Variants in CFAP46 observed in about 807,000 individuals in gnomAD.
CFAP46 encodes the protein cilia- and flagella-associated protein 46.
In CFAP46, 245 loss-of-function variants were observed where a neutral mutation model predicts 325.7. The ratio of observed to expected loss-of-function variants is 0.75; its 90% CI spans 0.68 to 0.84. CFAP46 has a LOEUF of 0.84. CFAP46 is among the 40% of genes least tolerant of loss of function. The pLI, the probability that CFAP46 is intolerant of heterozygous loss-of-function variation, is 0.00. For missense variants in CFAP46, 3,346 were observed against 3,543.0 expected, an observed-to-expected ratio of 0.94 and a Z score of 1.41; for synonymous variants, 1,523 against 1,495.9, an observed-to-expected ratio of 1.02 and a Z score of -0.42.
chr10:132,835,586 C>A, intron 46 of CFAP46, 152 bp from the exon 47 acceptor site: 1 of 1,007,130 alleles, frequency 9.9e-7, no homozygotes, highest in Non-Finnish European at 1.4e-6. Context: ...CCCCTGGTCC[C>A]ATGCTGTGGA....
At chr10:132,866,655 G>A (rs1324759332) in intron 34 of CFAP46, among the ~76,000 whole-genome samples, 1 of 152,058 alleles carries the variant, frequency 6.6e-6, no homozygotes, top group East Asian at 1.9e-4. Flanking sequence ...TCCTCGCTAA[G>A]CAGAGCCCCC....
intron 21 of CFAP46, 135 bp from the exon 22 acceptor site, chr10:132,908,769 A>C: frequency 8.7e-7 from 1 of 1,149,350 alleles, no homozygotes; most frequent in Non-Finnish European, 1.2e-6. Flanking sequence ...CGTGCCACAA[A>C]AGCTGAGCTG....
At chr10:132,860,278 C>G (rs774355273) in intron 37 of CFAP46, 139 bp downstream of exon 37, 3 of 628,688 alleles carry the variant, frequency 4.8e-6, no homozygotes, top group Non-Finnish European at 8.5e-6. Context: ...TGGAGCTGCA[C>G]GGAAAGCTGT....
chr10:132,899,655 C>A lies in CFAP46; in HGVS notation c.2936G>T (p.Arg979Leu). The change falls in exon 23 of 58, where the codon CGG becomes CTG. Residue 979 changes from arginine to leucine, a missense_variant. Coordinates refer to ENST00000368586, the MANE Select transcript of CFAP46 (RefSeq NM_001200049.3). ...YLKKFGPEESRLVAEMLCTAT... is the reference protein window; with the variant it reads ...YLKKFGPEESLLVAEMLCTAT... ...TGTGCACAGCATCTCTGCCACCAGC[C>A]GGGACTCCTCGCTGCAGGAACAGGG... The A allele has an allele frequency of 3.2e-6, 5 of 1,549,262 alleles. No homozygotes were observed. The highest frequency in any genetic ancestry group is 3.5e-6 in the Non-Finnish European group (4 of 1,146,354).
rs758301685 is a variant in CFAP46 at position 132,846,895 on chromosome 10, A to G, written c.6267+37T>C. ...AGCCCAGGGTCCTCCCTCCTCCATG[A>G]AGGGCCTGGCTGGAGGTGGGCAGGG... On this transcript the variant is annotated intron_variant, in intron 43 of 57. Coordinates refer to ENST00000368586, the MANE Select transcript of CFAP46 (RefSeq NM_001200049.3). 45 of 1,577,860 alleles carry G rather than the reference A, an allele frequency of 2.9e-5. No individual in the cohort carries two copies. The South Asian group carries it at 4.1e-4, about 14-fold the overall frequency.
intron 50 of CFAP46, among the ~76,000 whole-genome samples, chr10:132,820,803 T>C (rs1400470119): frequency 2.2e-4 from 32 of 144,052 alleles, no homozygotes; most frequent in South Asian, 4.7e-4. Flanking sequence ...AGCACTGATG[T>C]GTGCTGTGTG....
At chr10:132,880,101 T>G (rs1849016327) in intron 28 of CFAP46, among the ~76,000 whole-genome samples, 1 of 148,414 alleles carries the variant, frequency 6.7e-6, no homozygotes, top group African/African-American at 2.6e-5. Context: ...TGTGCGCACG[T>G]GTGTGTGTGT....
intron 44 of CFAP46, among the ~76,000 whole-genome samples, chr10:132,838,772 C>T (rs1008224269): frequency 2.6e-5 from 4 of 152,260 alleles, no homozygotes; most frequent in African/African-American, 4.8e-5. Context: ...TCAGCTACAG[C>T]GATTCTGCCA....
chr10:132,929,849 A>G, intron 8 of CFAP46, 45 bp from the exon 9 acceptor site: 1 of 1,439,146 alleles, frequency 6.9e-7, no homozygotes, highest in Non-Finnish European at 9.6e-7. Context: ...TAGGGGGCAC[A>G]GGAAACATGG....
chr10:132,921,363 C>T (rs1363671055), intron 13 of CFAP46, among the ~76,000 whole-genome samples: 4 of 152,200 alleles, frequency 2.6e-5, no homozygotes, highest in African/African-American at 7.2e-5. Context: ...GAGCCACTGG[C>T]GAGTGCCCAG....
intron 3 of CFAP46, among the ~76,000 whole-genome samples, chr10:132,941,306 C>T (rs371263496): frequency 2.6e-5 from 4 of 152,212 alleles, no homozygotes; most frequent in African/African-American, 4.8e-5. Flanking sequence ...CCAGCACGCC[C>T]GCCCCACCCC....
chr10:132,919,374 G>A lies in CFAP46; in HGVS notation c.1799C>T (p.Ala600Val), dbSNP rs757045994. 25 of 1,549,884 alleles carry A rather than the reference G, an allele frequency of 1.6e-5. No individual in the cohort carries two copies. The East Asian group carries it at 2.9e-4, about 18-fold the overall frequency. ...KQGVWDVCRT[A>V]SRFCLLYDNV... Reference sequence around the variant, plus strand: ...GTCATACAGGAGGCAGAAGCGGCTCGCCGTCCGACAGACGTCCCACACGCC... The same window carrying A: ...GTCATACAGGAGGCAGAAGCGGCTCACCGTCCGACAGACGTCCCACACGCC... Residue 600 changes from alanine to valine, a missense_variant, in exon 15 of 58, where the codon GCG becomes GTG. By Grantham distance (64) the Ala-to-Val change is moderately conservative (BLOSUM62 0). Transcript: ENST00000368586. The surrounding 1 kb of genome is among the most constrained non-coding windows in gnomAD (Gnocchi z 9.7).
intron 32 of CFAP46, among the ~76,000 whole-genome samples, chr10:132,870,893 T>C (rs1426489804): frequency 6.6e-6 from 1 of 152,202 alleles, no homozygotes; most frequent in Non-Finnish European, 1.5e-5. Context: ...CAGCCTTCTA[T>C]TGGAAGAAGA....
At chr10:132,831,294 G>A (rs186839678) in intron 50 of CFAP46, among the ~76,000 whole-genome samples, 69 of 151,498 alleles carry the variant, frequency 4.6e-4, no homozygotes, top group Admixed American at 8.5e-4. Flanking sequence ...ATCAATGTCC[G>A]TTACTGATTT....
chr10:132,922,426 G>A (rs371696505), intron 12 of CFAP46, 54 bp downstream of exon 12: 12 of 1,492,344 alleles, frequency 8.0e-6, no homozygotes, highest in Non-Finnish European at 9.9e-6. Flanking sequence ...GCCCCGCCCC[G>A]GCCCCATGCT....
chr10:132,885,932 G>A lies in CFAP46; in HGVS notation c.3332C>T (p.Ala1111Val). The change falls in exon 26 of 58, where the codon GCT (alanine) becomes GTT (valine). Residue 1111 changes from alanine to valine, a missense_variant. Ala to Val is a moderately conservative substitution (Grantham distance 64). Transcript: ENST00000368586. Reference sequence around the variant, plus strand: ...GTGGAAGAGCAGGCCGTAGAGCGCAGCACGGAGCGCCAGGTCGTCCTCAGC... The same window carrying A: ...GTGGAAGAGCAGGCCGTAGAGCGCAACACGGAGCGCCAGGTCGTCCTCAGC... ...PGAEDDLALRAALYGLLFHSH... is the reference protein window; with the variant it reads ...PGAEDDLALRVALYGLLFHSH... 6.5e-7 allele frequency: 1 copy of A among 1,550,256 alleles called. No individual in the cohort carries two copies. The highest frequency in any genetic ancestry group is 8.7e-7 in the Non-Finnish European group (1 of 1,146,834).
At chr10:132,831,742 G>T (rs916069890) in intron 50 of CFAP46, among the ~76,000 whole-genome samples, 7 of 152,084 alleles carry the variant, frequency 4.6e-5, no homozygotes, top group African/African-American at 1.7e-4. Context: ...GATAGATATG[G>T]TTGGGTTGAA....
intron 22 of CFAP46, among the ~76,000 whole-genome samples, chr10:132,906,602 G>A (rs1325881821): frequency 1.2e-4 from 7 of 59,416 alleles, no homozygotes; most frequent in Non-Finnish European, 1.7e-4. Flanking sequence ...GTCCTGGCGC[G>A]TGATGCCCCG....
Position 132,919,974 on chromosome 10 carries a change from G to A in CFAP46, c.1730+85C>T. On this transcript the variant is annotated intron_variant, in intron 14 of 57. Coordinates refer to ENST00000368586, the MANE Select transcript of CFAP46 (RefSeq NM_001200049.3). The surrounding 1 kb of genome is among the most constrained non-coding windows in gnomAD (Gnocchi z 9.7). ...CCCCAGACGGCCACATGCAGGGTCA[G>A]CTCAGCCGCCACAGACACTGGCCCT... The A allele has an allele frequency of 7.1e-7, 1 of 1,417,688 alleles. No individual in the cohort carries two copies. 87.8% of individuals were successfully genotyped at this position (1,417,688 alleles called of 1,614,324 possible).
Sources: gnomAD v4.1 joint callset for allele counts (sites outside exome capture counted in the v4.1 genomes callset) on GRCh38, gnomAD v4.1.1 for gene constraint, Gnocchi (gnomAD v3.1) non-coding constraint, MANE v1.5 for transcripts, NCBI Gene and HGNC (gene_info 2026-07-23, HGNC 2026-07-21) for gene names.